Variants in LAMA2 observed in about 807,000 individuals in gnomAD.
LAMA2 encodes laminin subunit alpha-2.
LAMA2 carries 269 observed loss-of-function variants against 364.8 expected under a neutral mutation model. That is an observed-to-expected ratio of 0.74 (90% confidence interval 0.67 to 0.82). The LOEUF is 0.82. Among genes scored for constraint, LAMA2 ranks in the 40% least tolerant of loss-of-function variants. LAMA2 has a pLI of 0.00. For missense variants in LAMA2, 3,807 were observed against 3,873.2 expected, an observed-to-expected ratio of 0.98 and a Z score of 0.45; for synonymous variants, 1,379 against 1,370.6, an observed-to-expected ratio of 1.01 and a Z score of -0.14.
chr6:129,171,766 G>A lies in LAMA2; in HGVS notation c.1307-5940G>A, dbSNP rs1409651945. On this transcript the variant is annotated intron_variant, in intron 9 of 64. Coordinates refer to ENST00000421865, the MANE Select transcript of LAMA2 (RefSeq NM_000426.4). ...GTTCTCCTGGATAATATCCTGCAGAGTGTTTTCCAACTTGGTTCCATTCTC... is the reference window on the plus strand; with the variant it reads ...GTTCTCCTGGATAATATCCTGCAGAATGTTTTCCAACTTGGTTCCATTCTC... Among the ~76,000 whole-genome samples the A allele has an allele frequency of 6.9e-4, 81 of 118,014 alleles. 2 individuals carry two copies. Among genetic ancestry groups the A allele is most frequent in the Admixed American group, 6.4e-3 (69 of 10,836 alleles). The allele number at this position is 118,014 out of a possible 152,430, so 77.4% of individuals were successfully genotyped here. A position where few individuals can be genotyped will look rare whatever the true frequency, so the allele number is the denominator to read the frequency against.
intron 4 of LAMA2, among the ~76,000 whole-genome samples, chr6:129,114,410 A>G (rs1227775788): frequency 2.0e-5 from 3 of 152,084 alleles, no homozygotes; most frequent in African/African-American, 7.2e-5. Context: ...AAGAACAGCT[A>G]AAGATTCAAA....
chr6:129,335,192 T>A (rs1483061653), intron 29 of LAMA2, among the ~76,000 whole-genome samples: 1 of 152,302 alleles, frequency 6.6e-6, no homozygotes, highest in Non-Finnish European at 1.5e-5. Flanking sequence ...TAGGCATTAA[T>A]AAATCCTGTA....
At chr6:129,426,818 T>A in intron 40 of LAMA2, among the ~76,000 whole-genome samples, 1 of 152,334 alleles carries the variant, frequency 6.6e-6, no homozygotes, top group Middle Eastern at 3.4e-3. Context: ...ATAATGTGAC[T>A]GATAAAAATA....
chr6:129,013,433 T>C (rs1784891304), intron 1 of LAMA2, among the ~76,000 whole-genome samples: 1 of 149,702 alleles, frequency 6.7e-6, no homozygotes, highest in South Asian at 2.1e-4. Context: ...AGAGACTCCA[T>C]CTCAAAAAAA....
chr6:129,428,623 T>G (rs1269464907), intron 41 of LAMA2, among the ~76,000 whole-genome samples: 1 of 152,098 alleles, frequency 6.6e-6, no homozygotes, highest in African/African-American at 2.4e-5. Context: ...CTTTGCATTT[T>G]GAGTAGAGAC....
Position 129,427,327 on chromosome 6 carries a change from A to G in LAMA2, c.5866-425A>G, listed in dbSNP as rs117615604. ...ATTTGCTTAAGGATAAAGTCAGGGG[A>G]TGTGTTTAGTTCTTAATTTGCTTGA... On this transcript the variant is annotated intron_variant, in intron 40 of 64. Transcript: ENST00000421865. Among the ~76,000 whole-genome samples, 380 of 152,244 alleles carry G rather than the reference A, an allele frequency of 2.5e-3. 6 individuals carry two copies. In the East Asian group the frequency reaches 0.035, roughly 14 times the overall value.
At chr6:128,883,428 C>T (rs1775932595) in intron 1 of LAMA2, 71 bp downstream of exon 1, 5 of 1,542,614 alleles carry the variant, frequency 3.2e-6, no homozygotes, top group Non-Finnish European at 4.4e-6. Context: ...TCCACTCTTC[C>T]GAGAGTTGCT....
At chr6:129,124,384 T>A (rs1364882683) in intron 4 of LAMA2, among the ~76,000 whole-genome samples, 2 of 152,152 alleles carry the variant, frequency 1.3e-5, no homozygotes, top group African/African-American at 4.8e-5. Flanking sequence ...GGTGTCTCCC[T>A]CCAGATGAGG....
chr6:129,297,719 G>A lies in LAMA2; in HGVS notation c.2891G>A (p.Cys964Tyr), dbSNP rs1320902039. The A allele has an allele frequency of 6.2e-7, 1 of 1,614,096 alleles. No individual in the cohort carries two copies. The highest frequency in any genetic ancestry group is 8.5e-7 in the Non-Finnish European group (1 of 1,179,976). ...TTTGGCCTACAATCAGCAAGGGGCTGTGTTCCCTGCAACTGCAATTCTTTT... is the reference window on the plus strand; with the variant it reads ...TTTGGCCTACAATCAGCAAGGGGCTATGTTCCCTGCAACTGCAATTCTTTT... ...GTFGLQSARG[C>Y]VPCNCNSFGS... The change falls in exon 21 of 65, where the codon TGT becomes TAT. Residue 964 changes from cysteine (C) to tyrosine (Y), a missense_variant. Cys to Tyr is a radical substitution (Grantham distance 194, BLOSUM62 -2). This residue lies in a region of LAMA2 where 3,333 missense variants were observed against 3,345.7 expected (regional missense o/e 1.00). Transcript: ENST00000421865.
chr6:129,345,103 C>G (rs1776471452), intron 30 of LAMA2, among the ~76,000 whole-genome samples: 1 of 152,110 alleles, frequency 6.6e-6, no homozygotes, highest in Admixed American at 6.6e-5. Context: ...TATATTGAGG[C>G]AGATTTTAGC....
At chr6:129,263,742 G>A (rs955742146) in intron 15 of LAMA2, among the ~76,000 whole-genome samples, 2 of 151,998 alleles carry the variant, frequency 1.3e-5, no homozygotes, top group African/African-American at 4.8e-5. Flanking sequence ...GGGTTTTGGG[G>A]TGTTTTTTGT....
intron 8 of LAMA2, among the ~76,000 whole-genome samples, chr6:129,163,160 T>C (rs1779541940): frequency 6.6e-6 from 1 of 152,164 alleles, no homozygotes; most frequent in Non-Finnish European, 1.5e-5. Context: ...TTTTGACCAG[T>C]GTTTTTCCTT....
rs935531960 is a variant in LAMA2 at position 129,323,541 on chromosome 6, A to T, written c.4176+2886A>T. ...ATTTACTATTTGCAGAAGGGGCCAG[A>T]TTACCTTCAGGAGTCAAACAAAGGA... On this transcript the variant is annotated intron_variant, in intron 28 of 64. Coordinates refer to ENST00000421865, the MANE Select transcript of LAMA2 (RefSeq NM_000426.4). Among the ~76,000 whole-genome samples, 7 of 152,248 alleles carry T rather than the reference A, an allele frequency of 4.6e-5. No homozygotes were observed. In the South Asian group the frequency reaches 1.0e-3, roughly 23 times the overall value.
intron 13 of LAMA2, among the ~76,000 whole-genome samples, chr6:129,250,711 A>C (rs894422206): frequency 1.3e-5 from 2 of 152,194 alleles, no homozygotes; most frequent in Admixed American, 1.3e-4. Flanking sequence ...GGCCATAGGC[A>C]ACTTCAAAAT....
At chr6:129,037,688 C>T (rs538781880) in intron 1 of LAMA2, among the ~76,000 whole-genome samples, 25 of 141,452 alleles carry the variant, frequency 1.8e-4, no homozygotes, top group South Asian at 1.3e-3. Flanking sequence ...TTTTTTGAGA[C>T]GGAGTCTCGC....
intron 62 of LAMA2, among the ~76,000 whole-genome samples, chr6:129,509,098 G>T (rs1243270918): frequency 2.0e-5 from 3 of 152,158 alleles, no homozygotes; most frequent in Non-Finnish European, 4.4e-5. Flanking sequence ...TTTCTCTGAT[G>T]ATCAGTGATG....
intron 1 of LAMA2, among the ~76,000 whole-genome samples, chr6:128,974,713 A>C (rs2114624466): frequency 6.6e-6 from 1 of 152,238 alleles, no homozygotes; most frequent in East Asian, 1.9e-4. Flanking sequence ...TCACTGATTC[A>C]TTTATCCATT....
At chr6:129,231,600 C>G (rs1784672349) in intron 12 of LAMA2, among the ~76,000 whole-genome samples, 1 of 152,110 alleles carries the variant, frequency 6.6e-6, no homozygotes, top group Admixed American at 6.6e-5. Flanking sequence ...TTGAATTGTT[C>G]TAGGCTGCTA....
chr6:129,125,141 G>A (rs1777037282), intron 4 of LAMA2, among the ~76,000 whole-genome samples: 1 of 152,228 alleles, frequency 6.6e-6, no homozygotes, highest in South Asian at 2.1e-4. Flanking sequence ...GCTGAGGGAT[G>A]AGTCCATGGT....
Sources: gnomAD v4.1 joint callset for allele counts (sites outside exome capture counted in the v4.1 genomes callset) on GRCh38, gnomAD v4.1.1 for gene constraint, gnomAD v4.1.1 regional missense constraint, MANE v1.5 for transcripts, NCBI Gene and HGNC (gene_info 2026-07-23, HGNC 2026-07-21) for gene names.